PCYT1B: variants seen among roughly 807,000 people sequenced by gnomAD.
PCYT1B encodes phosphate cytidylyltransferase 1B, choline, also known as choline-phosphate cytidylyltransferase B.
In PCYT1B, 10 loss-of-function variants were observed where a neutral mutation model predicts 26.4. The observed-to-expected ratio is 0.38, with a 90% CI of 0.23 to 0.64. The LOEUF is 0.64. Ranked by LOEUF, PCYT1B falls within the 30% of genes least tolerant of loss-of-function variation. The pLI, the probability that PCYT1B is intolerant of heterozygous loss-of-function variation, is 0.56. For synonymous variants in PCYT1B, 131 were observed against 108.4 expected, an observed-to-expected ratio of 1.21 and a Z score of -1.29; for missense variants, 161 against 292.7, an observed-to-expected ratio of 0.55 and a Z score of 3.28.
chrX:24,659,186 C>A (rs1926982845), intron 1 of PCYT1B, among the ~76,000 whole-genome samples: 1 of 111,728 alleles, frequency 9.0e-6, no homozygotes, highest in African/African-American at 3.3e-5. Flanking sequence ...TTTTGGATAG[C>A]CTTCACGTTG....
intron 1 of PCYT1B, among the ~76,000 whole-genome samples, chrX:24,638,549 A>C (rs1385928111): frequency 8.9e-6 from 1 of 112,142 alleles, no homozygotes. Flanking sequence ...AAATAGGCCT[A>C]GCTTGCAATG....
intron 2 of PCYT1B, among the ~76,000 whole-genome samples, chrX:24,618,040 C>A (rs979805647): frequency 1.8e-5 from 2 of 111,401 alleles, no homozygotes; most frequent in African/African-American, 6.5e-5. Context: ...AGGTTTTAAC[C>A]CCTAAGCACC....
intron 1 of PCYT1B, among the ~76,000 whole-genome samples, chrX:24,656,344 T>C (rs1926914243): frequency 9.3e-6 from 1 of 107,770 alleles, no homozygotes; most frequent in African/African-American, 3.4e-5. Flanking sequence ...CCTTCACTCA[T>C]CAATGTGACC....
chrX:24,612,468 C>T (rs145014399), intron 2 of PCYT1B, among the ~76,000 whole-genome samples: 2,003 of 111,705 alleles, frequency 0.018, 42 homozygotes, highest in African/African-American at 0.062. Context: ...TTAAATAAAG[C>T]AAAAATATCG....
At chrX:24,640,866 T>C (rs1232059618) in intron 1 of PCYT1B, among the ~76,000 whole-genome samples, 1 of 111,508 alleles carries the variant, frequency 9.0e-6, no homozygotes, top group African/African-American at 3.3e-5. Flanking sequence ...CAAACTCTAC[T>C]TCCCTGGCAC....
rs61743973 is a variant in PCYT1B, at chrX:24,558,332, T to G, written c.*3961A>C. The G allele has an allele frequency of 8.9e-6, 1 of 111,999 alleles. No individual in the cohort carries two copies. Among genetic ancestry groups the G allele is most frequent in the African/African-American group, 3.3e-5 (1 of 30,713 alleles). 9.2% of individuals were successfully genotyped at this position (111,999 alleles called of 1,213,427 possible). A position where few individuals can be genotyped will look rare whatever the true frequency, so the allele number is the denominator to read the frequency against. ...TATGCTCTACTTATGGCTTTGTCCC[T>G]GGACACATCGCAGTGACACAACAGA... On this transcript the variant is annotated 3_prime_UTR_variant, in exon 8 of 8. Coordinates refer to ENST00000379144, the MANE Select transcript of PCYT1B (RefSeq NM_004845.5).
At chrX:24,654,154 G>A (rs1287387404) in intron 1 of PCYT1B, among the ~76,000 whole-genome samples, 2 of 81,849 alleles carry the variant, frequency 2.4e-5, no homozygotes, top group Non-Finnish European at 4.6e-5. Flanking sequence ...CCAGGCTGGA[G>A]TGCAGTGTGG....
chrX:24,586,603 G>GT (rs1340029576), intron 5 of PCYT1B, among the ~76,000 whole-genome samples: 1 of 112,225 alleles, frequency 8.9e-6, no homozygotes, highest in Non-Finnish European at 1.9e-5. Flanking sequence ...ACTCACTATA[G>GT]TATCTGCACC....
At chrX:24,600,248 C>G (rs1255526711) in intron 3 of PCYT1B, among the ~76,000 whole-genome samples, 1 of 111,097 alleles carries the variant, frequency 9.0e-6, no homozygotes, top group East Asian at 2.8e-4. Context: ...TTTCTGGTTT[C>G]CAGTCTGGTA....
chrX:24,564,943 C>T (rs754145717), intron 7 of PCYT1B, among the ~76,000 whole-genome samples: 28 of 110,335 alleles, frequency 2.5e-4, no homozygotes, highest in Admixed American at 4.8e-4. Flanking sequence ...ACTGCAGTCT[C>T]GGGTCCAAGA....
At chrX:24,635,135 A>G (rs1388915730) in intron 1 of PCYT1B, among the ~76,000 whole-genome samples, 3 of 112,352 alleles carry the variant, frequency 2.7e-5, no homozygotes, top group Non-Finnish European at 5.6e-5. Context: ...GTCATGTGAT[A>G]CTCAATCCAG....
At chrX:24,649,471 A>C (rs1263210290), upstream of PCYT1B, among the ~76,000 whole-genome samples, 3 of 111,308 alleles carry the variant, frequency 2.7e-5, no homozygotes, top group Non-Finnish European at 5.7e-5. Context: ...CCCACGCTAA[A>C]GTTTACAAAC....
chrX:24,600,864 T>C (rs1311684874), intron 3 of PCYT1B, among the ~76,000 whole-genome samples: 1 of 109,342 alleles, frequency 9.1e-6, no homozygotes, highest in Non-Finnish European at 1.9e-5. Context: ...GAGCCAGTCT[T>C]TGACAAAGGA....
chrX:24,651,475 ATATATAT>A (rs1926776951), upstream of PCYT1B, among the ~76,000 whole-genome samples: 204 of 30,610 alleles, frequency 6.7e-3, 2 homozygotes, highest in African/African-American at 9.2e-3. Context: ...AAAAAAAAAT[ATATATAT>A]ATATATATAT....
At chrX:24,612,454 C>A (rs1443085992) in intron 2 of PCYT1B, among the ~76,000 whole-genome samples, 1 of 111,668 alleles carries the variant, frequency 9.0e-6, no homozygotes, top group African/African-American at 3.3e-5. Flanking sequence ...AACCCACCAC[C>A]CAGTTAAATA....
At chrX:24,601,096 C>A (rs747029475) in intron 3 of PCYT1B, among the ~76,000 whole-genome samples, 63 of 112,099 alleles carry the variant, frequency 5.6e-4, no homozygotes, top group African/African-American at 1.9e-3. Flanking sequence ...AGATACAACA[C>A]CAAAGGCATG....
intron 1 of PCYT1B, among the ~76,000 whole-genome samples, chrX:24,625,202 A>G (rs1949386917): frequency 8.9e-6 from 1 of 112,595 alleles, no homozygotes; most frequent in African/African-American, 3.2e-5. Context: ...TCTTCCAGGT[A>G]GGCCTTTTGC....
intron 1 of PCYT1B, 119 bp from the exon 2 acceptor site, chrX:24,619,203 C>T (rs1925622436): frequency 3.8e-6 from 2 of 532,578 alleles, no homozygotes; most frequent in East Asian, 6.9e-5. Context: ...AATATATCCA[C>T]TGAGTCTCAG....
At chrX:24,665,307 T>C (rs867880602) in intron 1 of PCYT1B, among the ~76,000 whole-genome samples, 1 of 84,604 alleles carries the variant, frequency 1.2e-5, no homozygotes, top group African/African-American at 3.4e-5. Flanking sequence ...CTTTTCTTTT[T>C]TGAGACAGAG....
Sources: allele counts gnomAD v4.1 joint callset (sites outside exome capture counted in the v4.1 genomes callset), GRCh38; gene constraint gnomAD v4.1.1; transcripts MANE v1.5; gene names NCBI Gene and HGNC (gene_info 2026-07-23, HGNC 2026-07-21).